Variants in RPS6KA2 observed in about 807,000 individuals in gnomAD.
RPS6KA2 encodes the protein ribosomal protein S6 kinase A2.
Under a neutral mutation model 91.8 loss-of-function variants are expected in RPS6KA2, and 42 were observed. The ratio of observed to expected loss-of-function variants is 0.46; its 90% CI spans 0.36 to 0.59. The LOEUF is 0.59. RPS6KA2 is among the 20% of genes least tolerant of loss of function. RPS6KA2 has a pLI of 0.00. For synonymous variants in RPS6KA2, 414 were observed against 393.6 expected, an observed-to-expected ratio of 1.05 and a Z score of -0.61; for missense variants, 798 against 978.5, an observed-to-expected ratio of 0.82 and a Z score of 2.46.
At chr6:166,440,677 T>G (rs1299367931) in intron 14 of RPS6KA2, among the ~76,000 whole-genome samples, 1 of 152,234 alleles carries the variant, frequency 6.6e-6, no homozygotes, top group Non-Finnish European at 1.5e-5. Flanking sequence ...GATTTGACAT[T>G]ATCAGCAATC....
At position 166,760,715 on chromosome 6, in the gene RPS6KA2, G is replaced by A. The variant is rs147153867; in HGVS notation, c.123+97485C>T. On this transcript the variant is annotated intron_variant, in intron 2 of 21. Coordinates refer to the RPS6KA2 transcript ENST00000503859. ...TTCCCATTTCCAACCTGATGGCAACGTGCATGGATACTGAGTTGGGGAAAG... is the reference window on the plus strand; with the variant it reads ...TTCCCATTTCCAACCTGATGGCAACATGCATGGATACTGAGTTGGGGAAAG... Among the ~76,000 whole-genome samples, 188 of 152,316 alleles carry A rather than the reference G, an allele frequency of 1.2e-3. 1 individual carries two copies. The highest frequency in any genetic ancestry group is 2.3e-3 in the Non-Finnish European group (156 of 68,028).
At chr6:166,739,772 T>C (rs1790760938) in intron 2 of RPS6KA2, among the ~76,000 whole-genome samples, 1 of 152,194 alleles carries the variant, frequency 6.6e-6, no homozygotes, top group South Asian at 2.1e-4. Context: ...TCCAAAGTTC[T>C]GGATTTGAAA....
intron 2 of RPS6KA2, among the ~76,000 whole-genome samples, chr6:166,794,940 G>A (rs911353140): frequency 4.6e-5 from 7 of 151,804 alleles, no homozygotes; most frequent in Admixed American, 2.6e-4. Flanking sequence ...CATGGCACAT[G>A]TATACATATG....
intron 4 of RPS6KA2, chr6:166,509,482 G>C (rs1293391408): frequency 1.8e-5 from 3 of 166,424 alleles, no homozygotes; most frequent in African/African-American, 7.2e-5. Context: ...GGTGTGCCCA[G>C]CTTCTGCAGG....
chr6:166,824,665 A>C (rs1164767301), intron 2 of RPS6KA2, among the ~76,000 whole-genome samples: 1 of 109,784 alleles, frequency 9.1e-6, no homozygotes, highest in Non-Finnish European at 1.9e-5. Context: ...GTGTGTGTCT[A>C]TGTGTGTGTC....
chr6:166,507,251 A>C (rs1782263500), intron 5 of RPS6KA2, among the ~76,000 whole-genome samples: 1 of 152,076 alleles, frequency 6.6e-6, no homozygotes, highest in African/African-American at 2.4e-5. Flanking sequence ...TGGGAGGTCA[A>C]CAGCGTGACT....
intron 2 of RPS6KA2, among the ~76,000 whole-genome samples, chr6:166,777,154 C>T (rs1473050786): frequency 6.6e-6 from 1 of 152,164 alleles, no homozygotes; most frequent in Non-Finnish European, 1.5e-5. Context: ...GCAGGGAGCG[C>T]AAAGCCTGGA....
chr6:166,861,542 G>A (rs1014970084), intron 1 of RPS6KA2, among the ~76,000 whole-genome samples: 3 of 152,206 alleles, frequency 2.0e-5, no homozygotes, highest in African/African-American at 7.2e-5. Context: ...GCCCTGGGAC[G>A]GGCAAGGAAC....
At chr6:166,833,476 C>T (rs1780237753) in intron 2 of RPS6KA2, among the ~76,000 whole-genome samples, 1 of 152,084 alleles carries the variant, frequency 6.6e-6, no homozygotes, top group Admixed American at 6.5e-5. Flanking sequence ...CAAATTTGTA[C>T]AGTCATGTAA....
intron 2 of RPS6KA2, among the ~76,000 whole-genome samples, chr6:166,681,433 A>T (rs1198549508): frequency 6.6e-6 from 1 of 152,124 alleles, no homozygotes; most frequent in Non-Finnish European, 1.5e-5. Context: ...TCTTGACATA[A>T]GGTCCAAGTT....
At chr6:166,837,155 G>A (rs1780339697) in intron 2 of RPS6KA2, among the ~76,000 whole-genome samples, 3 of 152,302 alleles carry the variant, frequency 2.0e-5, no homozygotes, top group Middle Eastern at 3.4e-3. Context: ...AGGGGGCTCC[G>A]AGGCCTCCTG....
chr6:166,529,520 T>G (rs11970189), intron 3 of RPS6KA2, among the ~76,000 whole-genome samples: 1 of 151,778 alleles, frequency 6.6e-6, no homozygotes, highest in East Asian at 1.9e-4. Context: ...TGTATACATA[T>G]GTAACAAACC....
At chr6:166,480,508 T>A (rs1781168936) in intron 10 of RPS6KA2, among the ~76,000 whole-genome samples, 1 of 104,524 alleles carries the variant, frequency 9.6e-6, no homozygotes, top group South Asian at 3.2e-4. Context: ...TATATATATA[T>A]ATATATAATA....
At chr6:166,482,740 C>G (rs1276828622) in intron 10 of RPS6KA2, among the ~76,000 whole-genome samples, 2 of 152,146 alleles carry the variant, frequency 1.3e-5, no homozygotes, top group Admixed American at 1.3e-4. Flanking sequence ...TCATGAACTT[C>G]TCCAGTTTCA....
intron 12 of RPS6KA2, among the ~76,000 whole-genome samples, chr6:166,452,395 C>T (rs1294452363): frequency 4.6e-5 from 7 of 152,102 alleles, no homozygotes. Flanking sequence ...GAACATATCA[C>T]CCAAAGCAAT....
chr6:166,519,472 G>A (rs999351850), intron 3 of RPS6KA2, among the ~76,000 whole-genome samples: 8 of 152,194 alleles, frequency 5.3e-5, no homozygotes, highest in South Asian at 2.1e-4. Flanking sequence ...CCAACCTGCC[G>A]CGTTTCGGGT....
In RPS6KA2 at chr6:166,423,187, G is replaced by A; in HGVS notation, c.1743+69C>T. On this transcript the variant is annotated intron_variant, in intron 17 of 20. Coordinates refer to ENST00000265678, the MANE Select transcript of RPS6KA2 (RefSeq NM_021135.6). The surrounding 1 kb of genome is among the most constrained non-coding windows in gnomAD (Gnocchi z 4.8). ...GACATCCCCGCTGTCCGGTGGCTCT[G>A]CAGTGGGAGGGGGCAGAGCCTGTCT... 6.7e-7 allele frequency: 1 copy of A among 1,498,362 alleles called. No individual in the cohort carries two copies. Among genetic ancestry groups the A allele is most frequent in the Non-Finnish European group, 9.0e-7 (1 of 1,105,006 alleles). The allele number at this position is 1,498,362 out of a possible 1,614,324, so 92.8% of individuals were successfully genotyped here.
intron 11 of RPS6KA2, among the ~76,000 whole-genome samples, chr6:166,469,525 C>T (rs1379562772): frequency 6.6e-6 from 1 of 152,070 alleles, no homozygotes; most frequent in Non-Finnish European, 1.5e-5. Context: ...ATATGCAGGG[C>T]TCGGAGAGGC....
intron 1 of RPS6KA2, among the ~76,000 whole-genome samples, chr6:166,617,764 G>A (rs888132560): frequency 3.9e-5 from 6 of 152,176 alleles, no homozygotes; most frequent in African/African-American, 7.2e-5. Context: ...TAGAAGCTGC[G>A]AATTACATGG....
Sources: allele counts gnomAD v4.1 joint callset (sites outside exome capture counted in the v4.1 genomes callset), GRCh38; gene constraint gnomAD v4.1.1; non-coding constraint Gnocchi (gnomAD v3.1); transcripts MANE v1.5; gene names NCBI Gene and HGNC (gene_info 2026-07-23, HGNC 2026-07-21).